The following EBF4 variants were observed in gnomAD, a reference collection of about 807,000 sequenced individuals.
EBF4 encodes transcription factor COE4.
Under a neutral mutation model 67.1 loss-of-function variants are expected in EBF4, and 34 were observed. The ratio of observed to expected loss-of-function variants is 0.51; its 90% CI spans 0.39 to 0.67. The LOEUF (loss-of-function observed/expected upper bound fraction) is 0.67, where lower values mean the gene tolerates loss of function less well. EBF4 is among the 30% of genes least tolerant of loss of function. The probability of loss-of-function intolerance (pLI) is 0.00; values close to 1 mark genes in which losing one functional copy is unlikely to be tolerated. For synonymous variants in EBF4, 387 were observed against 377.7 expected, an observed-to-expected ratio of 1.02 and a Z score of -0.29; for missense variants, 837 against 873.3, an observed-to-expected ratio of 0.96 and a Z score of 0.52.
chr20:2,711,174 AT>A (rs2087539468), intron 6 of EBF4, among the ~76,000 whole-genome samples: 1 of 145,798 alleles, frequency 6.9e-6, no homozygotes, highest in Non-Finnish European at 1.5e-5. Context: ...AATAATAATA[AT>A]AATAAAATTA....
intron 6 of EBF4, among the ~76,000 whole-genome samples, chr20:2,744,101 A>G (rs1325221829): frequency 2.8e-5 from 4 of 144,492 alleles, no homozygotes; most frequent in Non-Finnish European, 6.0e-5. Context: ...TTTTTTTGAG[A>G]CGAAGTCTCA....
At chr20:2,758,114 A>G (rs1438051065) in intron 15 of EBF4, among the ~76,000 whole-genome samples, 1 of 152,270 alleles carries the variant, frequency 6.6e-6, no homozygotes, top group Non-Finnish European at 1.5e-5. Flanking sequence ...TGCTGGCTGC[A>G]AACTGCTTCT....
At position 2,696,868 on chromosome 20, in the gene EBF4, C is replaced by T. The variant is rs985089266; in HGVS notation, c.137+3086C>T. Reference sequence around the variant, plus strand: ...AGCATCTGCTCTCCTCTGCCTGTCCCGGTCCTCCTTGCCCTGCCAGCTGGG... The same window carrying T: ...AGCATCTGCTCTCCTCTGCCTGTCCTGGTCCTCCTTGCCCTGCCAGCTGGG... On this transcript the variant is annotated intron_variant, in intron 1 of 16. Coordinates refer to ENST00000609451, the Ensembl canonical transcript of EBF4. The surrounding 1 kb of genome is among the most constrained non-coding windows in gnomAD (Gnocchi z 4.7). Among the ~76,000 whole-genome samples, 4 of 152,168 alleles carry T rather than the reference C, an allele frequency of 2.6e-5. No individual in the cohort carries two copies. The highest frequency in any genetic ancestry group is 4.8e-5 in the African/African-American group (2 of 41,440).
chr20:2,752,618 A>G, intron 14 of EBF4, 73 bp downstream of exon 14: 1 of 1,084,982 alleles, frequency 9.2e-7, no homozygotes, highest in African/African-American at 1.8e-5. Context: ...GCCCCCGCCC[A>G]TCCCGGAGAG....
At chr20:2,736,124 C>G (rs1340065945) in intron 6 of EBF4, among the ~76,000 whole-genome samples, 1 of 152,130 alleles carries the variant, frequency 6.6e-6, no homozygotes, top group African/African-American at 2.4e-5. Context: ...GACATCACAG[C>G]TCTAAGACTT....
intron 6 of EBF4, among the ~76,000 whole-genome samples, chr20:2,738,424 G>A (rs1005995230): frequency 4.0e-5 from 6 of 151,290 alleles, no homozygotes; most frequent in South Asian, 2.1e-4. Context: ...TCTTCTGTTC[G>A]TGGACTCTGA....
Position 2,756,819 on chromosome 20 carries a change from T to G in EBF4, c.1738+995T>G, listed in dbSNP as rs999545315. Among the ~76,000 whole-genome samples the G allele has an allele frequency of 6.6e-6, 1 of 152,166 alleles. No individual in the cohort carries two copies. Among genetic ancestry groups the G allele is most frequent in the Non-Finnish European group, 1.5e-5 (1 of 68,030 alleles). ...CAACAGAGCATTAGGAAAGAATCAG[T>G]GTTGAAATTACGTAAGTGGCTACTG... On this transcript the variant is annotated intron_variant, in intron 15 of 16. Transcript: ENST00000609451. This position sits in a 1 kb window ranked among gnomAD's most constrained non-coding sequence, Gnocchi z 4.5.
rs1308902365 is a variant in EBF4, at chr20:2,693,925, C to T, written c.137+143C>T. On this transcript the variant is annotated intron_variant, in intron 1 of 16. Coordinates refer to ENST00000609451, the Ensembl canonical transcript of EBF4. This position sits in a 1 kb window ranked among gnomAD's most constrained non-coding sequence, Gnocchi z 4.6. ...GGCGAGCTCCCCGGCCCACCCCGTC[C>T]GGAGTGCCTGTGCTGCCTCCTGAGG... 9 of 1,122,912 alleles carry T rather than the reference C, an allele frequency of 8.0e-6. No homozygotes were observed. The highest frequency in any genetic ancestry group is 1.0e-5 in the Non-Finnish European group (9 of 887,018). The allele number at this position is 1,122,912 out of a possible 1,614,324, so 69.6% of individuals were successfully genotyped here.
At chr20:2,752,225 C>A in exon 13 of EBF4, 3 of 1,353,740 alleles carry the variant, frequency 2.2e-6, no homozygotes, top group Admixed American at 3.0e-5. Flanking sequence ...AGCCCGCTGG[C>A]CATCGCCGTC....
intron 6 of EBF4, among the ~76,000 whole-genome samples, chr20:2,725,413 A>C (rs1050522719): frequency 6.6e-6 from 1 of 152,060 alleles, no homozygotes; most frequent in African/African-American, 2.4e-5. Flanking sequence ...CTTTTGCAAT[A>C]TGTCTAGTTA....
At chr20:2,738,927 C>T (rs977383683) in intron 6 of EBF4, among the ~76,000 whole-genome samples, 1 of 152,164 alleles carries the variant, frequency 6.6e-6, no homozygotes, top group East Asian at 1.9e-4. Context: ...AATGTATGCG[C>T]CCTGGCTATT....
chr20:2,729,374 C>T (rs961014223), intron 6 of EBF4, among the ~76,000 whole-genome samples: 1 of 152,158 alleles, frequency 6.6e-6, no homozygotes, highest in Non-Finnish European at 1.5e-5. Context: ...AATGTCTGGC[C>T]CCGCTTAGCT....
exon 16 of EBF4, chr20:2,758,923 G>A (rs2146528425): frequency 1.3e-6 from 2 of 1,551,780 alleles, no homozygotes; most frequent in South Asian, 1.2e-5. Context: ...GTCTTTTGAG[G>A]ATTCTGACAA....
intron 16 of EBF4, 37 bp downstream of exon 16, chr20:2,759,021 C>A: frequency 6.5e-7 from 1 of 1,532,550 alleles, no homozygotes; most frequent in South Asian, 1.2e-5. Context: ...CCCCGCCCCA[C>A]CTGGCCCTGA....
chr20:2,695,862 G>A (rs893555148), intron 1 of EBF4, among the ~76,000 whole-genome samples: 2 of 152,184 alleles, frequency 1.3e-5, no homozygotes, highest in East Asian at 1.9e-4. Flanking sequence ...CCTGGGATCC[G>A]AGAGTTGGCT....
chr20:2,735,380 T>C (rs1285417498), intron 6 of EBF4, among the ~76,000 whole-genome samples: 2 of 152,162 alleles, frequency 1.3e-5, no homozygotes, highest in Non-Finnish European at 2.9e-5. Context: ...GGGATGGGAA[T>C]AGGGCAAATT....
chr20:2,751,907 T>TC lies in EBF4; in HGVS notation c.1108-10dup, dbSNP rs1336202250. The TC allele has an allele frequency of 1.3e-6, 2 of 1,543,502 alleles. No homozygotes were observed. Among genetic ancestry groups the TC allele is most frequent in the East Asian group, 2.4e-5 (1 of 40,890 alleles). On this transcript the variant is annotated splice_polypyrimidine_tract_variant and intron_variant, in intron 11 of 16. Coordinates refer to ENST00000609451, the Ensembl canonical transcript of EBF4. This position sits in a 1 kb window ranked among gnomAD's most constrained non-coding sequence, Gnocchi z 5.2. ...GGCTGCCCCTCCGTCCCGCTGTCTCTCCCCCTGTCCCCAGGAAGTGCTGCT... is the reference window on the plus strand; with the variant it reads ...GGCTGCCCCTCCGTCCCGCTGTCTCTCCCCCCTGTCCCCAGGAAGTGCTGCT...
In EBF4 at chr20:2,707,965, C is replaced by G; in HGVS notation, c.433C>G (p.Gln145Glu). 6.2e-7 allele frequency: 1 copy of G among 1,605,158 alleles called. No homozygotes were observed. Among genetic ancestry groups the G allele is most frequent in the Non-Finnish European group, 8.5e-7 (1 of 1,175,376 alleles). ...TCCCCAGGCCATCATCTATGAGGGG[C>G]AGGACAAGAACCCCGAAATGTGCCG... Residue 145 changes from glutamine to glutamate, a missense_variant, in exon 5 of 17, where the codon CAG becomes GAG. Gln to Glu is a conservative substitution (Grantham distance 29). Coordinates refer to ENST00000609451, the Ensembl canonical transcript of EBF4. This position sits in a 1 kb window ranked among gnomAD's most constrained non-coding sequence, Gnocchi z 4.6.
At chr20:2,749,062 A>T (rs1347454156) in intron 7 of EBF4, among the ~76,000 whole-genome samples, 1 of 151,996 alleles carries the variant, frequency 6.6e-6, no homozygotes, top group Non-Finnish European at 1.5e-5. Flanking sequence ...GCCCACCTCC[A>T]CTTGCCTAAG....
Sources: allele counts gnomAD v4.1 joint callset (sites outside exome capture counted in the v4.1 genomes callset), GRCh38; gene constraint gnomAD v4.1.1; non-coding constraint Gnocchi (gnomAD v3.1); transcripts MANE v1.5; gene names NCBI Gene and HGNC (gene_info 2026-07-23, HGNC 2026-07-21).